KANSL1: variants seen among roughly 807,000 people sequenced by gnomAD.
KANSL1 encodes KAT8 regulatory NSL complex subunit 1, also known as MLL1/MLL complex subunit KANSL1.
KANSL1 carries 22 observed loss-of-function variants against 103.6 expected under a neutral mutation model. The ratio of observed to expected loss-of-function variants is 0.21; its 90% confidence interval spans 0.15 to 0.30. The LOEUF (loss-of-function observed/expected upper bound fraction) is 0.30, where lower values mean the gene tolerates loss of function less well. Ranked by LOEUF, KANSL1 falls within the 10% of genes least tolerant of loss-of-function variation. KANSL1 has a pLI of 1.00. For missense variants in KANSL1, 1,337 were observed against 1,399.8 expected (o/e 0.96, Z 0.72); for synonymous variants, 600 against 527.6 (o/e 1.14, Z -1.88).
At chr17:46,168,405 T>C (rs1306841974) in intron 2 of KANSL1, among the ~76,000 whole-genome samples, 2 of 151,994 alleles carry the variant, frequency 1.3e-5, no homozygotes, top group East Asian at 3.9e-4. Context: ...TGGAGGGCAA[T>C]GGTGCGATCT....
At chr17:46,059,958 A>G (rs1222265620) in intron 6 of KANSL1, among the ~76,000 whole-genome samples, 1 of 152,128 alleles carries the variant, frequency 6.6e-6, no homozygotes, top group Non-Finnish European at 1.5e-5. Flanking sequence ...GACAAAAAAC[A>G]AACAACAACA....
At chr17:46,052,964 CAAAAAAAAAAAAAAA>C (rs34473927) in intron 6 of KANSL1, among the ~76,000 whole-genome samples, 33 of 32,996 alleles carry the variant, frequency 1.0e-3, no homozygotes, top group Admixed American at 3.5e-3. Flanking sequence ...ATCCTGTCTC[CAAAAAAAAAAAAAAA>C]AAAAAAAAAA....
At chr17:46,175,757 T>C (rs1375255562) in intron 1 of KANSL1, among the ~76,000 whole-genome samples, 1 of 152,250 alleles carries the variant, frequency 6.6e-6, no homozygotes, top group Non-Finnish European at 1.5e-5. Context: ...CTGTGGGCTT[T>C]CTGGCATATG....
At chr17:46,179,004 C>T (rs2046657294) in intron 1 of KANSL1, among the ~76,000 whole-genome samples, 1 of 152,214 alleles carries the variant, frequency 6.6e-6, no homozygotes, top group South Asian at 2.1e-4. Context: ...TAGAGTTTCT[C>T]AACCTAACCA....
intron 1 of KANSL1, among the ~76,000 whole-genome samples, chr17:46,183,649 G>C (rs2046894050): frequency 6.7e-6 from 1 of 149,152 alleles, no homozygotes; most frequent in African/African-American, 2.5e-5. Context: ...AAGGAGGGAG[G>C]GAAGGAAGGG....
chr17:46,197,546 G>A (rs1309540850), upstream of KANSL1, among the ~76,000 whole-genome samples: 1 of 152,350 alleles, frequency 6.6e-6, no homozygotes, highest in East Asian at 1.9e-4. Flanking sequence ...GGGAGGCTGA[G>A]GCATGAGAAT....
At position 46,133,288 on chromosome 17, in the gene KANSL1, C is replaced by T. The variant is rs1467613356; in HGVS notation, c.1289+37567G>A. On this transcript the variant is annotated intron_variant, in intron 2 of 14. Transcript: ENST00000432791. ...GAACGATACCAAGCACACGCCCAGA[C>T]TTCCCCACCCAAGGGCATCGTTCTT... 3.3e-5 allele frequency among the ~76,000 whole-genome samples: 5 copies of T among 152,334 alleles called. No individual in the cohort carries two copies. In the East Asian group the frequency reaches 7.7e-4, roughly 24 times the overall value.
At chr17:46,215,456 T>C (rs890903631) in intron 1 of KANSL1, among the ~76,000 whole-genome samples, 2 of 152,250 alleles carry the variant, frequency 1.3e-5, no homozygotes, top group Admixed American at 1.3e-4. Context: ...AGGATCATGT[T>C]GGCAGCGACT....
At chr17:46,142,056 T>G (rs2147375755) in intron 2 of KANSL1, among the ~76,000 whole-genome samples, 1 of 152,312 alleles carries the variant, frequency 6.6e-6, no homozygotes, top group African/African-American at 2.4e-5. Flanking sequence ...ACCTGGCTAA[T>G]TTTTTTGTAT....
chr17:46,084,036 G>A (rs1221468033), intron 3 of KANSL1, among the ~76,000 whole-genome samples: 3 of 152,132 alleles, frequency 2.0e-5, no homozygotes, highest in Non-Finnish European at 4.4e-5. Context: ...AGCAAAAGAA[G>A]CACTGCCTCC....
chr17:46,071,091 A>G (rs2078560243), intron 4 of KANSL1, among the ~76,000 whole-genome samples: 1 of 152,206 alleles, frequency 6.6e-6, no homozygotes, highest in South Asian at 2.1e-4. Flanking sequence ...AGGTGTATAT[A>G]TTTAAATGCT....
intron 3 of KANSL1, among the ~76,000 whole-genome samples, chr17:46,084,597 G>A (rs1315819980): frequency 2.7e-5 from 4 of 150,414 alleles, no homozygotes; most frequent in African/African-American, 7.4e-5. Flanking sequence ...CAGGAGAATC[G>A]CTTGAACCTG....
chr17:46,186,917 TAG>T lies in KANSL1; in HGVS notation c.-90+5904_-90+5905del, dbSNP rs2047062982. Among the ~76,000 whole-genome samples the T allele has an allele frequency of 3.3e-5, 5 of 151,972 alleles. No individual in the cohort carries two copies. The South Asian group carries it at 1.0e-3, about 32-fold the overall frequency. On this transcript the variant is annotated intron_variant, in intron 1 of 14. Coordinates refer to ENST00000432791, the MANE Select transcript of KANSL1 (RefSeq NM_015443.4). ...TAATTTTTGCTGTTTTTTTTTTTAG[TAG>T]AGACAGGGTTTCACCATGTTAAGCC...
chr17:46,090,655 C>T (rs1034683675), intron 3 of KANSL1, among the ~76,000 whole-genome samples: 6 of 152,192 alleles, frequency 3.9e-5, no homozygotes, highest in Non-Finnish European at 5.9e-5. Flanking sequence ...TAATACAATA[C>T]GCTTTGAATG....
At chr17:46,111,099 G>A (rs958722769) in intron 2 of KANSL1, among the ~76,000 whole-genome samples, 1 of 152,166 alleles carries the variant, frequency 6.6e-6, no homozygotes, top group Non-Finnish European at 1.5e-5. Flanking sequence ...GTTATTTTAC[G>A]TCTGATGCAT....
chr17:46,171,676 C>T lies in KANSL1; in HGVS notation c.468G>A (p.Gly156=), dbSNP rs150877831. The change falls in exon 2 of 15, where the codon GGG becomes GGA. Residue 156 remains glycine (G), a synonymous_variant. Transcript: ENST00000432791. The stretch of plus-strand genomic sequence containing the variant: ...AACTTTTAGTCAATTTCTTAGCCAA[C>T]CCATTTACAGGTGCTTGTGGCAGAG... The part of the protein sequence containing the change: ...QTALPQAPVN[G]LAKKLTKSST... The T allele has an allele frequency of 1.3e-6, 2 of 1,552,574 alleles. No homozygotes were observed. Among genetic ancestry groups the T allele is most frequent in the Non-Finnish European group, 1.7e-6 (2 of 1,153,958 alleles).
At chr17:46,052,940 G>C (rs1288708565) in intron 6 of KANSL1, among the ~76,000 whole-genome samples, 2 of 112,574 alleles carry the variant, frequency 1.8e-5, no homozygotes, top group African/African-American at 7.0e-5. Flanking sequence ...CTGCAGCCTG[G>C]GAAAAAGAGT....
chr17:46,114,150 C>T (rs536414457), intron 2 of KANSL1, among the ~76,000 whole-genome samples: 15 of 152,216 alleles, frequency 9.9e-5, no homozygotes, highest in African/African-American at 3.6e-4. Flanking sequence ...CACAAGGTCA[C>T]GAGTTCTAGA....
intron 2 of KANSL1, among the ~76,000 whole-genome samples, chr17:46,162,463 TAATG>T (rs749211274): frequency 2.0e-5 from 3 of 152,346 alleles, no homozygotes; most frequent in Admixed American, 6.5e-5. Context: ...AAATAAAAAT[TAATG>T]AATGCCTACC....
Sources: gnomAD v4.1 joint callset for allele counts (sites outside exome capture counted in the v4.1 genomes callset) on GRCh38, gnomAD v4.1.1 for gene constraint, MANE v1.5 for transcripts, NCBI Gene and HGNC (gene_info 2026-07-23, HGNC 2026-07-21) for gene names.